The following TRMT11 variants were observed in gnomAD, a reference collection of about 807,000 sequenced individuals.
The protein encoded by TRMT11 is tRNA methyltransferase 11, also known as tRNA (guanine(10)-N(2))-methyltransferase TRMT11.
In TRMT11, 53 loss-of-function variants were observed where a neutral mutation model predicts 62.8. The observed-to-expected ratio is 0.84, with a 90% CI of 0.68 to 1.06. The LOEUF (loss-of-function observed/expected upper bound fraction) is 1.06, where lower values mean the gene tolerates loss of function less well. Among genes scored for constraint, TRMT11 ranks in the 50% least tolerant of loss-of-function variants. The probability of loss-of-function intolerance (pLI) is 0.00; values close to 1 mark genes in which losing one functional copy is unlikely to be tolerated. For missense variants in TRMT11, 556 were observed against 553.4 expected (o/e 1.00, Z -0.05); for synonymous variants, 188 against 190.3 (o/e 0.99, Z 0.10).
chr6:126,226,725 T>A, the TRMT11 span, among the ~76,000 whole-genome samples: 1 of 152,350 alleles, frequency 6.6e-6, no homozygotes, highest in East Asian at 1.9e-4. Flanking sequence ...AGCATACTTT[T>A]AAAAATTCTG....
intron 17 of TRMT11, among the ~76,000 whole-genome samples, chr6:126,063,847 T>C (rs564185613): frequency 6.6e-6 from 1 of 152,308 alleles, no homozygotes; most frequent in South Asian, 2.1e-4. Flanking sequence ...CCGAGCCTTC[T>C]GGGTCTGAAG....
the TRMT11 span, among the ~76,000 whole-genome samples, chr6:126,248,208 T>G: frequency 6.6e-6 from 1 of 152,032 alleles, no homozygotes; most frequent in Non-Finnish European, 1.5e-5. Context: ...CTTATGTAAT[T>G]TATCCAACAA....
At chr6:126,094,618 G>A (rs146505375) in intron 17 of TRMT11, among the ~76,000 whole-genome samples, 1,531 of 152,258 alleles carry the variant, frequency 0.01, 14 homozygotes, top group Non-Finnish European at 0.015. Flanking sequence ...TTCCTGGTTG[G>A]CGGGCATAGA....
chr6:126,072,528 C>T (rs1346048730), intron 17 of TRMT11, among the ~76,000 whole-genome samples: 1 of 152,076 alleles, frequency 6.6e-6, no homozygotes, highest in Non-Finnish European at 1.5e-5. Flanking sequence ...AACTTGATAC[C>T]AAGAGCTCGT....
In TRMT11 at chr6:126,197,723, T is replaced by C. The variant is rs193015738; in HGVS notation, n.144-1076T>C. On this transcript the variant is annotated intron_variant and non_coding_transcript_variant, in intron 1 of 3. Coordinates refer to the TRMT11 transcript ENST00000444229. ...ATCATTGACAAGATCATCTAAGAGATAGGAATGCAATAAGGACACAAATAT... is the reference window on the plus strand; with the variant it reads ...ATCATTGACAAGATCATCTAAGAGACAGGAATGCAATAAGGACACAAATAT... Among the ~76,000 whole-genome samples the C allele has an allele frequency of 6.2e-3, 942 of 152,278 alleles. 3 individuals are homozygous for C. The highest frequency in any genetic ancestry group is 9.5e-3 in the Non-Finnish European group (644 of 68,016).
intron 1 of TRMT11, chr6:125,986,827 C>T: frequency 1.8e-6 from 1 of 555,964 alleles, no homozygotes; most frequent in Non-Finnish European, 3.2e-6. Context: ...ACCCCTCGGC[C>T]TGCTTAAACT....
At chr6:125,990,710 A>AT (rs1211894333) in intron 1 of TRMT11, among the ~76,000 whole-genome samples, 3 of 151,970 alleles carry the variant, frequency 2.0e-5, no homozygotes, top group Non-Finnish European at 4.4e-5. Flanking sequence ...ATTGGGTTAG[A>AT]TTTTTTTCAG....
At chr6:125,989,794 C>G (rs1358698621) in intron 1 of TRMT11, among the ~76,000 whole-genome samples, 1 of 152,168 alleles carries the variant, frequency 6.6e-6, no homozygotes, top group African/African-American at 2.4e-5. Context: ...ATTCAAAGTC[C>G]ATCACTGCAT....
intron 21 of TRMT11, among the ~76,000 whole-genome samples, chr6:126,172,055 C>T (rs990850018): frequency 3.3e-5 from 5 of 152,062 alleles, no homozygotes; most frequent in Admixed American, 6.5e-5. Flanking sequence ...AAATGTTTTT[C>T]ACCAGTGCTC....
At chr6:126,085,006 A>G (rs1777198603) in intron 17 of TRMT11, among the ~76,000 whole-genome samples, 1 of 152,180 alleles carries the variant, frequency 6.6e-6, no homozygotes, top group Admixed American at 6.5e-5. Flanking sequence ...GACCTGAGGT[A>G]CAGCATGATG....
intron 17 of TRMT11, among the ~76,000 whole-genome samples, chr6:126,078,739 G>A (rs1423426621): frequency 1.3e-5 from 2 of 152,118 alleles, no homozygotes; most frequent in East Asian, 3.9e-4. Context: ...AAGTCATGGG[G>A]CAAAAAGTGA....
At chr6:126,232,156 G>A in the TRMT11 span, among the ~76,000 whole-genome samples, 1 of 152,102 alleles carries the variant, frequency 6.6e-6, no homozygotes, top group African/African-American at 2.4e-5. Flanking sequence ...GTTTGTGTGT[G>A]TGTGTGTGTG....
chr6:126,201,357 GA>G (rs1778732865), intron 3 of TRMT11, among the ~76,000 whole-genome samples: 2 of 152,330 alleles, frequency 1.3e-5, no homozygotes, highest in South Asian at 4.1e-4. Flanking sequence ...TCCTTAGATA[GA>G]ACAAAGGTGT....
intron 21 of TRMT11, among the ~76,000 whole-genome samples, chr6:126,135,362 A>G (rs1269376947): frequency 6.6e-6 from 1 of 151,782 alleles, no homozygotes; most frequent in Non-Finnish European, 1.5e-5. Flanking sequence ...ATGAACAACT[A>G]TATGCCAAAA....
chr6:126,169,311 AAGTGATG>A lies in TRMT11; in HGVS notation c.*1824-5513_*1824-5507del, dbSNP rs1233148455. On this transcript the variant is annotated intron_variant and NMD_transcript_variant, in intron 21 of 22. Coordinates refer to the TRMT11 transcript ENST00000648977. Reference sequence around the variant, plus strand: ...ATTTTTTTTTCTTCCTTGAGACTCTAAGTGATGTTTTGGAATTGGAAATGAGCTATGG... The same window carrying A: ...ATTTTTTTTTCTTCCTTGAGACTCTATTTTGGAATTGGAAATGAGCTATGG... Among the ~76,000 whole-genome samples, 8 of 152,262 alleles carry A rather than the reference AAGTGATG, an allele frequency of 5.3e-5. No homozygotes were observed. The South Asian group carries it at 1.2e-3, about 24-fold the overall frequency.
chr6:126,214,001 A>G, the TRMT11 span, among the ~76,000 whole-genome samples: 1 of 151,970 alleles, frequency 6.6e-6, no homozygotes, highest in East Asian at 1.9e-4. Context: ...TGAAATGTTC[A>G]TGGTTTTTGT....
chr6:126,254,734 T>C, the TRMT11 span, among the ~76,000 whole-genome samples: 1 of 152,220 alleles, frequency 6.6e-6, no homozygotes, highest in African/African-American at 2.4e-5. Flanking sequence ...GAACCACTGT[T>C]TGAACTTGCA....
chr6:126,255,001 T>C, the TRMT11 span, among the ~76,000 whole-genome samples: 2 of 152,172 alleles, frequency 1.3e-5, no homozygotes, highest in Admixed American at 6.5e-5. Context: ...TCAATTATTT[T>C]TTAAAAATAA....
intron 17 of TRMT11, among the ~76,000 whole-genome samples, chr6:126,088,762 A>G (rs1777241752): frequency 6.6e-6 from 1 of 152,200 alleles, no homozygotes; most frequent in Non-Finnish European, 1.5e-5. Flanking sequence ...AAAATGGGAG[A>G]ACCAAAGTCC....
Sources: gnomAD v4.1 joint callset for allele counts (sites outside exome capture counted in the v4.1 genomes callset) on GRCh38, gnomAD v4.1.1 for gene constraint, MANE v1.5 for transcripts, NCBI Gene and HGNC (gene_info 2026-07-23, HGNC 2026-07-21) for gene names.